Variants in DNAJC15 observed in about 807,000 individuals in gnomAD.
DNAJC15 encodes the protein DnaJ heat shock protein family (Hsp40) member C15.
In DNAJC15, 27 loss-of-function variants were observed where a neutral mutation model predicts 22.4. The ratio of observed to expected loss-of-function variants is 1.20; its 90% CI spans 0.89 to 1.66. The LOEUF (loss-of-function observed/expected upper bound fraction) is 1.66. Among genes scored for constraint, DNAJC15 ranks in the 40% most tolerant of loss-of-function variants. The probability of loss-of-function intolerance (pLI) is 0.00; values close to 1 mark genes in which losing one functional copy is unlikely to be tolerated. For missense variants in DNAJC15, 208 were observed against 187.1 expected, an observed-to-expected ratio of 1.11 and a Z score of -0.65; for synonymous variants, 79 against 63.2, an observed-to-expected ratio of 1.25 and a Z score of -1.19.
chr13:43,076,871 C>T (rs1439120104), intron 3 of DNAJC15, among the ~76,000 whole-genome samples: 2 of 152,176 alleles, frequency 1.3e-5, no homozygotes, highest in East Asian at 3.8e-4. Flanking sequence ...TCTCATTTTA[C>T]TTTACCTATT....
In DNAJC15 at chr13:43,047,649, C is replaced by T. The variant is rs2040484372; in HGVS notation, c.109-18037C>T. On this transcript the variant is annotated intron_variant, in intron 1 of 5. Transcript: ENST00000379221. ...GGGCCCAAAGAGAATAGCTTAGGAT[C>T]ACAGAATGTTGAATTGGAGCCCAGG... is the stretch of plus-strand genomic sequence containing the variant. 1.3e-5 allele frequency among the ~76,000 whole-genome samples: 2 copies of T among 152,132 alleles called. 1 individual carries two copies. Among genetic ancestry groups the T allele is most frequent in the African/African-American group, 4.8e-5 (2 of 41,414 alleles).
chr13:43,046,805 G>A (rs1249919146), intron 1 of DNAJC15, among the ~76,000 whole-genome samples: 1 of 152,126 alleles, frequency 6.6e-6, no homozygotes, highest in Non-Finnish European at 1.5e-5. Flanking sequence ...TGCTGCCGTC[G>A]CAGACCTGCC....
intron 3 of DNAJC15, among the ~76,000 whole-genome samples, chr13:43,070,658 C>T (rs1455700868): frequency 6.6e-6 from 1 of 152,028 alleles, no homozygotes; most frequent in Non-Finnish European, 1.5e-5. Context: ...GGGATCACTG[C>T]AAAGGTCCTG....
At chr13:43,044,402 AC>A (rs774880045) in intron 1 of DNAJC15, among the ~76,000 whole-genome samples, 17 of 152,118 alleles carry the variant, frequency 1.1e-4, no homozygotes, top group Non-Finnish European at 2.1e-4. Context: ...GCTTTATCAT[AC>A]TCGTCACGGC....
At chr13:43,044,419 G>T (rs116366453) in intron 1 of DNAJC15, among the ~76,000 whole-genome samples, 2,051 of 152,244 alleles carry the variant, frequency 0.013, 44 homozygotes, top group African/African-American at 0.044. Context: ...ACGGCATATT[G>T]TTAGAAAGTA....
chr13:43,047,067 T>G (rs1448757092), intron 1 of DNAJC15, among the ~76,000 whole-genome samples: 1 of 152,100 alleles, frequency 6.6e-6, no homozygotes, highest in Non-Finnish European at 1.5e-5. Flanking sequence ...GAACCCCAGG[T>G]CAGAGAACAA....
chr13:43,058,665 C>A (rs190295539), intron 1 of DNAJC15, among the ~76,000 whole-genome samples: 4 of 152,298 alleles, frequency 2.6e-5, no homozygotes, highest in Admixed American at 2.6e-4. Flanking sequence ...AAAATTCATG[C>A]TCAATTGAAA....
intron 1 of DNAJC15, among the ~76,000 whole-genome samples, chr13:43,060,050 G>A (rs553269750): frequency 1.3e-5 from 2 of 152,306 alleles, no homozygotes; most frequent in South Asian, 2.1e-4. Context: ...GGATGTATAC[G>A]TGCAGGTCAC....
chr13:43,070,274 G>C (rs552954624), intron 3 of DNAJC15, among the ~76,000 whole-genome samples: 2 of 152,208 alleles, frequency 1.3e-5, no homozygotes, highest in African/African-American at 4.8e-5. Context: ...TGATTAGAGG[G>C]AACATAGGTG....
At chr13:43,060,712 G>A (rs1171349538) in intron 1 of DNAJC15, among the ~76,000 whole-genome samples, 1 of 152,172 alleles carries the variant, frequency 6.6e-6, no homozygotes. Context: ...GTAAAACCAG[G>A]AGCCACTAAA....
intron 3 of DNAJC15, among the ~76,000 whole-genome samples, chr13:43,070,468 T>G (rs1440580498): frequency 3.4e-5 from 5 of 147,422 alleles, no homozygotes; most frequent in African/African-American, 9.9e-5. Context: ...AAAAAAAAAA[T>G]GAAGTAAGAT....
chr13:43,068,080 T>A (rs2040592028), intron 2 of DNAJC15, among the ~76,000 whole-genome samples: 1 of 152,146 alleles, frequency 6.6e-6, no homozygotes, highest in African/African-American at 2.4e-5. Context: ...ATTTTTGCAG[T>A]AGAACTCTTG....
chr13:43,086,829 G>A (rs779273286), intron 5 of DNAJC15, among the ~76,000 whole-genome samples: 13 of 152,142 alleles, frequency 8.5e-5, no homozygotes, highest in South Asian at 4.1e-4. Context: ...AAAGAATTAC[G>A]ATTTATTTTG....
In DNAJC15 at chr13:43,109,831, C is replaced by G. The variant is rs1782138089; in HGVS notation, c.*2583C>G. Reference sequence around the variant, plus strand: ...ATATGTAACAAACCTGCACGTTGTGCACATGTGCCCTAGAACTTAAAGTAT... The same window carrying G: ...ATATGTAACAAACCTGCACGTTGTGGACATGTGCCCTAGAACTTAAAGTAT... On this transcript the variant is annotated 3_prime_UTR_variant, in exon 6 of 6. Coordinates refer to ENST00000379221, the MANE Select transcript of DNAJC15 (RefSeq NM_013238.3). 6.6e-6 allele frequency: 1 copy of G among 151,604 alleles called. No homozygotes were observed. The highest frequency in any genetic ancestry group is 2.1e-4 in the South Asian group (1 of 4,786). The allele number at this position is 151,604 out of a possible 1,614,324, so 9.4% of individuals were successfully genotyped here.
chr13:43,096,487 G>A (rs551247183), intron 5 of DNAJC15, among the ~76,000 whole-genome samples: 24 of 152,236 alleles, frequency 1.6e-4, no homozygotes, highest in Admixed American at 7.8e-4. Flanking sequence ...GTATTCAGAG[G>A]AAATTGAACA....
chr13:43,059,450 C>G (rs138098138), intron 1 of DNAJC15, among the ~76,000 whole-genome samples: 1 of 151,964 alleles, frequency 6.6e-6, no homozygotes. Context: ...CTCGGCTCAC[C>G]GCTTCCCGGG....
intron 4 of DNAJC15, 145 bp downstream of exon 4, chr13:43,078,833 C>A: frequency 1.7e-6 from 1 of 606,054 alleles, no homozygotes; most frequent in Non-Finnish European, 2.6e-6. Context: ...ATTTTAAAGC[C>A]TCAAATCTAA....
At chr13:43,045,109 TTC>T (rs1431982049) in intron 1 of DNAJC15, among the ~76,000 whole-genome samples, 13 of 152,202 alleles carry the variant, frequency 8.5e-5, no homozygotes, top group Non-Finnish European at 1.5e-5. Context: ...GCCTATTTTT[TTC>T]TCTTTCTCTT....
intron 1 of DNAJC15, among the ~76,000 whole-genome samples, chr13:43,040,126 C>T (rs540456141): frequency 2.0e-5 from 3 of 152,298 alleles, no homozygotes; most frequent in African/African-American, 7.2e-5. Context: ...GAACCTTGAG[C>T]TGCCTAGAAG....
Sources: gnomAD v4.1 joint callset for allele counts (sites outside exome capture counted in the v4.1 genomes callset) on GRCh38, gnomAD v4.1.1 for gene constraint, MANE v1.5 for transcripts, NCBI Gene and HGNC (gene_info 2026-07-23, HGNC 2026-07-21) for gene names.